SPAG16: variants seen among roughly 807,000 people sequenced by gnomAD.
The protein encoded by SPAG16 is sperm associated antigen 16.
SPAG16 carries 86 observed loss-of-function variants against 80.4 expected under a neutral mutation model. That is an observed-to-expected ratio of 1.07 (90% CI 0.90 to 1.28). The LOEUF is 1.28. SPAG16 is among the 50% of genes most tolerant of loss of function. The pLI, the probability that SPAG16 is intolerant of heterozygous loss-of-function variation, is 0.00. For synonymous variants in SPAG16, 294 were observed against 265.9 expected (o/e 1.11, Z -1.03); for missense variants, 870 against 765.3 (o/e 1.14, Z -1.61).
chr2:214,274,221 A>ACAAT (rs1692274100), intron 15 of SPAG16, among the ~76,000 whole-genome samples: 1 of 152,200 alleles, frequency 6.6e-6, no homozygotes, highest in Admixed American at 6.5e-5. Flanking sequence ...TTTCTAATAT[A>ACAAT]CAATCATGTC....
intron 15 of SPAG16, among the ~76,000 whole-genome samples, chr2:214,254,483 T>A (rs1173096534): frequency 6.6e-6 from 1 of 151,994 alleles, no homozygotes; most frequent in Non-Finnish European, 1.5e-5. Flanking sequence ...TTATTGAGAG[T>A]TTTTAACATG....
chr2:214,257,270 C>A (rs1690758374), intron 15 of SPAG16, among the ~76,000 whole-genome samples: 1 of 151,928 alleles, frequency 6.6e-6, no homozygotes, highest in Non-Finnish European at 1.5e-5. Context: ...ACTTATTAAT[C>A]ATAGTAGTTG....
chr2:213,928,772 G>C (rs1438801185), intron 11 of SPAG16, among the ~76,000 whole-genome samples: 2 of 152,126 alleles, frequency 1.3e-5, no homozygotes, highest in Non-Finnish European at 2.9e-5. Flanking sequence ...GTCTGGCAGG[G>C]AGGAGGAGGA....
chr2:213,824,524 C>T (rs1260322098), intron 10 of SPAG16, among the ~76,000 whole-genome samples: 1 of 152,068 alleles, frequency 6.6e-6, no homozygotes, highest in Non-Finnish European at 1.5e-5. Flanking sequence ...GTGTTCTTAG[C>T]ACTTGTTTTC....
chr2:213,606,387 G>A (rs2061261337), intron 10 of SPAG16, among the ~76,000 whole-genome samples: 1 of 152,156 alleles, frequency 6.6e-6, no homozygotes, highest in Non-Finnish European at 1.5e-5. Flanking sequence ...ATGGATCAAA[G>A]TTCTAGCTGA....
intron 15 of SPAG16, among the ~76,000 whole-genome samples, chr2:214,306,346 T>G (rs1176566042): frequency 6.6e-6 from 1 of 152,200 alleles, no homozygotes; most frequent in Non-Finnish European, 1.5e-5. Flanking sequence ...ACTTCCCCTC[T>G]TCCTATTTGC....
intron 10 of SPAG16, among the ~76,000 whole-genome samples, chr2:213,859,097 T>A (rs72941139): frequency 0.35 from 50,455 of 144,502 alleles, 9,082 homozygotes; most frequent in South Asian, 0.47. Context: ...GATAATTGCT[T>A]GAACTTGGGA....
At chr2:213,833,904 C>T (rs995593584) in intron 10 of SPAG16, among the ~76,000 whole-genome samples, 10 of 151,678 alleles carry the variant, frequency 6.6e-5, no homozygotes, top group Non-Finnish European at 1.0e-4. Context: ...TAACAAAAGA[C>T]AGATGATATG....
At chr2:213,305,519 A>G (rs2062906378) in intron 3 of SPAG16, among the ~76,000 whole-genome samples, 1 of 152,084 alleles carries the variant, frequency 6.6e-6, no homozygotes, top group Non-Finnish European at 1.5e-5. Flanking sequence ...TACTGTGTTG[A>G]GGTATGTTTC....
At chr2:214,093,953 G>T (rs987106294) in intron 13 of SPAG16, among the ~76,000 whole-genome samples, 5 of 152,028 alleles carry the variant, frequency 3.3e-5, no homozygotes, top group Non-Finnish European at 7.4e-5. Context: ...AGCATTCCAT[G>T]TTTCTCTACT....
chr2:213,595,999 T>C (rs1468661063), intron 10 of SPAG16, among the ~76,000 whole-genome samples: 1 of 152,116 alleles, frequency 6.6e-6, no homozygotes, highest in Non-Finnish European at 1.5e-5. Flanking sequence ...TGTGTCAGTC[T>C]GCTCTAGATA....
At chr2:214,131,207 C>T (rs564752378) in intron 14 of SPAG16, among the ~76,000 whole-genome samples, 1 of 152,020 alleles carries the variant, frequency 6.6e-6, no homozygotes, top group Non-Finnish European at 1.5e-5. Context: ...GACCCCATCT[C>T]TACCAAAAAA....
chr2:213,667,788 A>G (rs989905392), intron 10 of SPAG16, among the ~76,000 whole-genome samples: 1 of 152,246 alleles, frequency 6.6e-6, no homozygotes, highest in African/African-American at 2.4e-5. Flanking sequence ...AGACATGAGA[A>G]GAAATGTGGT....
chr2:213,867,145 G>A (rs2372296), intron 11 of SPAG16, among the ~76,000 whole-genome samples: 90,423 of 152,040 alleles, frequency 0.59, 28,763 homozygotes, highest in South Asian at 0.85. Context: ...GATAACTTTC[G>A]TCACAGTGTA....
intron 10 of SPAG16, among the ~76,000 whole-genome samples, chr2:213,734,020 C>G (rs1393821025): frequency 6.6e-6 from 1 of 152,178 alleles, no homozygotes; most frequent in Non-Finnish European, 1.5e-5. Flanking sequence ...TAGAAGTTCA[C>G]ATCACACTGA....
intron 13 of SPAG16, among the ~76,000 whole-genome samples, chr2:214,042,005 T>TAC (rs1270038105): frequency 1.7e-4 from 21 of 123,100 alleles, no homozygotes; most frequent in East Asian, 1.4e-3. Flanking sequence ...TATATATATA[T>TAC]ATACACACAC....
intron 9 of SPAG16, among the ~76,000 whole-genome samples, chr2:213,419,747 A>T (rs544663062): frequency 7.6e-4 from 116 of 152,296 alleles, no homozygotes; most frequent in Non-Finnish European, 1.2e-3. Flanking sequence ...GGTTTGCCAT[A>T]TTAGATTATA....
chr2:213,310,701 TAAAC>T (rs977912428), intron 4 of SPAG16, among the ~76,000 whole-genome samples: 18 of 151,960 alleles, frequency 1.2e-4, no homozygotes, highest in Non-Finnish European at 2.1e-4. Context: ...GAATATCACT[TAAAC>T]AAAATATTTT....
At chr2:213,651,897 A>G (rs2063037283) in intron 10 of SPAG16, among the ~76,000 whole-genome samples, 1 of 152,210 alleles carries the variant, frequency 6.6e-6, no homozygotes, top group Admixed American at 6.5e-5. Flanking sequence ...TAGTAAATCA[A>G]ATATAATTTT....
Sources: allele counts gnomAD v4.1 joint callset (sites outside exome capture counted in the v4.1 genomes callset), GRCh38; gene constraint gnomAD v4.1.1; transcripts MANE v1.5; gene names NCBI Gene and HGNC (gene_info 2026-07-23, HGNC 2026-07-21).